The following CD27 variants were observed in gnomAD, a reference collection of about 807,000 sequenced individuals.
The protein encoded by CD27 is CD27 antigen.
A neutral mutation model predicts 25.9 loss-of-function variants in CD27; 16 were observed. The ratio of observed to expected loss-of-function variants is 0.62; its 90% CI spans 0.42 to 0.94. The LOEUF is 0.94. CD27 is among the 40% of genes least tolerant of loss of function. The pLI, the probability that CD27 is intolerant of heterozygous loss-of-function variation, is 0.00. For missense variants in CD27, 300 were observed against 333.2 expected, an observed-to-expected ratio of 0.90 and a Z score of 0.78; for synonymous variants, 142 against 124.3, an observed-to-expected ratio of 1.14 and a Z score of -0.95.
rs2136961216 is a variant in CD27, at chr12:6,445,795, A to C, written c.268+240A>C. ...AATAGAATTTGAGGGATTGGTGAGA[A>C]CGGGTCTATGGATAGGATCAAGACA... On this transcript the variant is annotated intron_variant, in intron 2 of 5. Transcript: ENST00000266557. The surrounding 1 kb of genome is among the most constrained non-coding windows in gnomAD (Gnocchi z 4.5). Among the ~76,000 whole-genome samples, 1 of 152,230 alleles carries C rather than the reference A, an allele frequency of 6.6e-6. No individual in the cohort carries two copies. Among genetic ancestry groups the C allele is most frequent in the African/African-American group, 2.4e-5 (1 of 41,540 alleles).
chr12:6,450,389 G>A lies in CD27; in HGVS notation c.448+37G>A. 5 of 1,593,068 alleles carry A rather than the reference G, an allele frequency of 3.1e-6. No homozygotes were observed. Among genetic ancestry groups the A allele is most frequent in the Non-Finnish European group, 3.4e-6 (4 of 1,168,506 alleles). On this transcript the variant is annotated intron_variant, in intron 3 of 5. Transcript: ENST00000266557. This position sits in a 1 kb window ranked among gnomAD's most constrained non-coding sequence, Gnocchi z 4.1. ...GCAACTCTCTGTGCCATCACGTGGG[G>A]TAGCGGTGATACCCCAACCAGTACT...
At chr12:6,451,113 C>CTCCACTT in intron 5 of CD27, 99 bp downstream of exon 5, 1 of 1,568,930 alleles carries the variant, frequency 6.4e-7, no homozygotes, top group Non-Finnish European at 8.7e-7. Context: ...AACCCACCAG[C>CTCCACTT]TCCACTTCAC....
In CD27 at chr12:6,445,700, G is replaced by T; in HGVS notation, c.268+145G>T. 1 of 1,039,112 alleles carries T rather than the reference G, an allele frequency of 9.6e-7. No homozygotes were observed. The highest frequency in any genetic ancestry group is 1.6e-5 in the South Asian group (1 of 60,844). 64.4% of individuals were successfully genotyped at this position (1,039,112 alleles called of 1,614,324 possible). A position where few individuals can be genotyped will look rare whatever the true frequency, so the allele number is the denominator to read the frequency against. On this transcript the variant is annotated intron_variant, in intron 2 of 5. Coordinates refer to ENST00000266557, the MANE Select transcript of CD27 (RefSeq NM_001242.5). This position sits in a 1 kb window ranked among gnomAD's most constrained non-coding sequence, Gnocchi z 4.5. ...GCTCACAGCAAGTGGAGCCAATGCT[G>T]GGAAATGCGGCACCCTAGGTGGGGC...
Position 6,451,413 on chromosome 12 carries a change from C to T in CD27, c.*21C>T. On this transcript the variant is annotated 3_prime_UTR_variant, in exon 6 of 6. Coordinates refer to ENST00000266557, the MANE Select transcript of CD27 (RefSeq NM_001242.5). ...CCTGAGCCAGCACCTGCGGGAGCTG[C>T]ACTACAGCCCTGGCCTCCACCCCCA... is the stretch of plus-strand genomic sequence containing the variant. 1 of 1,607,934 alleles carries T rather than the reference C, an allele frequency of 6.2e-7. No homozygotes were observed. Among genetic ancestry groups the T allele is most frequent in the East Asian group, 2.2e-5 (1 of 44,876 alleles).
At position 6,445,330 on chromosome 12, in the gene CD27, G is replaced by T; in HGVS notation, c.137-94G>T. 1 of 1,608,494 alleles carries T rather than the reference G, an allele frequency of 6.2e-7. No individual in the cohort carries two copies. Among genetic ancestry groups the T allele is most frequent in the South Asian group, 1.1e-5 (1 of 90,782 alleles). On this transcript the variant is annotated intron_variant, in intron 1 of 5. Coordinates refer to ENST00000266557, the MANE Select transcript of CD27 (RefSeq NM_001242.5). This position sits in a 1 kb window ranked among gnomAD's most constrained non-coding sequence, Gnocchi z 4.5. Reference sequence around the variant, plus strand: ...GCAGGGTGAGACTGAGCTCAAGCAAGGAGGGAAATCCTGCAGCTGTGGGGA... The same window carrying T: ...GCAGGGTGAGACTGAGCTCAAGCAATGAGGGAAATCCTGCAGCTGTGGGGA...
Position 6,451,016 on chromosome 12 carries a change from T to A in CD27, c.658+2T>A. 1 of 1,614,030 alleles carries A rather than the reference T, an allele frequency of 6.2e-7. No homozygotes were observed. The highest frequency in any genetic ancestry group is 8.5e-7 in the Non-Finnish European group (1 of 1,179,990). On this transcript the variant is annotated splice_donor_variant, in intron 5 of 5. Coordinates refer to ENST00000266557, the MANE Select transcript of CD27 (RefSeq NM_001242.5). LOFTEE classifies it high-confidence loss of function. ...ATCAACGAAGGAAATATAGATCAAGTAAGAGACAGAACACAGGCCTCCGGT... is the reference window on the plus strand; with the variant it reads ...ATCAACGAAGGAAATATAGATCAAGAAAGAGACAGAACACAGGCCTCCGGT...
Position 6,451,356 on chromosome 12 carries a change from G to T in CD27, c.747G>T (p.Glu249Asp). 6.2e-7 allele frequency: 1 copy of T among 1,613,896 alleles called. No individual in the cohort carries two copies. Among genetic ancestry groups the T allele is most frequent in the Non-Finnish European group, 8.5e-7 (1 of 1,180,002 alleles). ...EEEGSTIPIQ[E>D]DYRKPEPACS... ...AGGGCAGCACCATCCCCATCCAGGA[G>T]GATTACCGAAAACCGGAGCCTGCCT... Residue 249 changes from glutamate (E) to aspartate (D), a missense_variant, in exon 6 of 6, where the codon GAG (glutamate) becomes GAT (aspartate). By Grantham distance (45) the Glu-to-Asp change is conservative (BLOSUM62 2). Coordinates refer to ENST00000266557, the MANE Select transcript of CD27 (RefSeq NM_001242.5).
chr12:6,451,446 G>A lies in CD27; in HGVS notation c.*54G>A. On this transcript the variant is annotated 3_prime_UTR_variant, in exon 6 of 6. Transcript: ENST00000266557. ...CCCTGGCCTCCACCCCCACCCCGCC[G>A]ACCATCCAAGGGAGAGTGAGACCTG... is the stretch of plus-strand genomic sequence containing the variant. The A allele has an allele frequency of 6.8e-7, 1 of 1,477,492 alleles. No individual in the cohort carries two copies. The highest frequency in any genetic ancestry group is 9.3e-7 in the Non-Finnish European group (1 of 1,080,408). The allele number at this position is 1,477,492 out of a possible 1,614,324, so 91.5% of individuals were successfully genotyped here.
At chr12:6,451,136 T>C (rs1032319685) in intron 5 of CD27, 122 bp downstream of exon 5, 5 of 1,541,042 alleles carry the variant, frequency 3.2e-6, no homozygotes, top group Admixed American at 1.7e-5. Flanking sequence ...GCCTTGGTCC[T>C]ACCCCTTCTC....
At chr12:6,444,307 C>T (rs1014249076), upstream of CD27, among the ~76,000 whole-genome samples, 1 of 152,136 alleles carries the variant, frequency 6.6e-6, no homozygotes, top group African/African-American at 2.4e-5. Flanking sequence ...CAATTCTGAG[C>T]ATTCTGTAGC....
At chr12:6,446,940 G>A (rs1949424271) in intron 2 of CD27, 1 of 151,898 alleles carries the variant, frequency 6.6e-6, no homozygotes, top group Non-Finnish European at 1.5e-5. Context: ...CAAAAAGTTA[G>A]CCAGGCGTGG....
At chr12:6,447,811 G>C (rs914709354) in intron 2 of CD27, 1 of 150,584 alleles carries the variant, frequency 6.6e-6, no homozygotes, top group Non-Finnish European at 1.5e-5. Context: ...AGGCCCCAGT[G>C]TGTGATGTTC....
Position 6,450,236 on chromosome 12 carries a change from A to G in CD27, c.332A>G (p.Gln111Arg). The change falls in exon 3 of 6, where the codon CAG (glutamine) becomes CGG (arginine). Residue 111 changes from glutamine to arginine, a missense_variant. Transcript: ENST00000266557. This position sits in a 1 kb window ranked among gnomAD's most constrained non-coding sequence, Gnocchi z 4.1. ...GAGTGTGCCTGTCGCAATGGCTGGC[A>G]GTGCAGGGACAAGGAGTGCACCGAG... ...NAECACRNGW[Q>R]CRDKECTECD... 6.2e-7 allele frequency: 1 copy of G among 1,613,858 alleles called. No homozygotes were observed. The highest frequency in any genetic ancestry group is 1.1e-5 in the South Asian group (1 of 91,084).
At chr12:6,444,158 A>C (rs1438364978), upstream of CD27, among the ~76,000 whole-genome samples, 1 of 152,152 alleles carries the variant, frequency 6.6e-6, no homozygotes, top group Non-Finnish European at 1.5e-5. Flanking sequence ...AAAAGTGAGG[A>C]GTGAGCAAGG....
rs768228520 is a variant in CD27 at position 6,450,644 on chromosome 12, T to G, written c.538+14T>G. The G allele has an allele frequency of 3.7e-6, 6 of 1,607,982 alleles. No homozygotes were observed. The East Asian group carries it at 1.1e-4, about 30-fold the overall frequency. ...CCCACTGGCCACGTGAGTTTTCTCC[T>G]TAATCCCCACCGCTAGAGAGAATGC... On this transcript the variant is annotated intron_variant, in intron 4 of 5. Transcript: ENST00000266557. The surrounding 1 kb of genome is among the most constrained non-coding windows in gnomAD (Gnocchi z 4.1).
Position 6,450,969 on chromosome 12 carries a change from C to A in CD27, c.613C>A (p.Leu205Met). 6.2e-7 allele frequency: 1 copy of A among 1,614,142 alleles called. No individual in the cohort carries two copies. The highest frequency in any genetic ancestry group is 8.5e-7 in the Non-Finnish European group (1 of 1,180,008). Residue 205 changes from leucine to methionine, a missense_variant, in exon 5 of 6, where the codon CTG (leucine) becomes ATG (methionine). By Grantham distance (15) the Leu-to-Met change is conservative (BLOSUM62 2). Coordinates refer to ENST00000266557, the MANE Select transcript of CD27 (RefSeq NM_001242.5). The surrounding 1 kb of genome is among the most constrained non-coding windows in gnomAD (Gnocchi z 4.1). ...IFSGMFLVFT[L>M]AGALFLHQRR... ...CTCTGGAATGTTCCTTGTTTTCACC[C>A]TGGCCGGGGCCCTGTTCCTCCATCA...
Position 6,451,421 on chromosome 12 carries a change from C to T in CD27, c.*29C>T, listed in dbSNP as rs775402251. 5 of 1,601,890 alleles carry T rather than the reference C, an allele frequency of 3.1e-6. No individual in the cohort carries two copies. Among genetic ancestry groups the T allele is most frequent in the Non-Finnish European group, 4.3e-6 (5 of 1,174,944 alleles). On this transcript the variant is annotated 3_prime_UTR_variant, in exon 6 of 6. Coordinates refer to ENST00000266557, the MANE Select transcript of CD27 (RefSeq NM_001242.5). ...AGCACCTGCGGGAGCTGCACTACAG[C>T]CCTGGCCTCCACCCCCACCCCGCCG...
chr12:6,450,833 T>G lies in CD27; in HGVS notation c.539-62T>G, dbSNP rs1949526352. On this transcript the variant is annotated intron_variant, in intron 4 of 5. Transcript: ENST00000266557. This position sits in a 1 kb window ranked among gnomAD's most constrained non-coding sequence, Gnocchi z 4.1. Reference sequence around the variant, plus strand: ...GGGAGAGGCAAGGTGACAGGAGGGCTGGGCTGAGGGAGCCAAGGGCTAGAC... The same window carrying G: ...GGGAGAGGCAAGGTGACAGGAGGGCGGGGCTGAGGGAGCCAAGGGCTAGAC... 1 of 1,607,574 alleles carries G rather than the reference T, an allele frequency of 6.2e-7. No homozygotes were observed. The highest frequency in any genetic ancestry group is 1.7e-5 in the Admixed American group (1 of 59,856).
chr12:6,450,435 A>C lies in CD27; in HGVS notation c.448+83A>C. ...GTACTCCCCACTCCTACCCCTAGAT[A>C]AGGTCAGCCTGTTTCTGCCTTCCCA... On this transcript the variant is annotated intron_variant, in intron 3 of 5. Coordinates refer to ENST00000266557, the MANE Select transcript of CD27 (RefSeq NM_001242.5). This position sits in a 1 kb window ranked among gnomAD's most constrained non-coding sequence, Gnocchi z 4.1. 6.5e-7 allele frequency: 1 copy of C among 1,537,216 alleles called. No individual in the cohort carries two copies. The highest frequency in any genetic ancestry group is 1.2e-5 in the South Asian group (1 of 86,648).
Sources: allele counts gnomAD v4.1 joint callset (sites outside exome capture counted in the v4.1 genomes callset), GRCh38; gene constraint gnomAD v4.1.1; non-coding constraint Gnocchi (gnomAD v3.1); transcripts MANE v1.5; gene names NCBI Gene and HGNC (gene_info 2026-07-23, HGNC 2026-07-21).